The following ADAMTS2 variants were observed in gnomAD, a reference collection of about 807,000 sequenced individuals.
ADAMTS2 encodes the protein ADAM metallopeptidase with thrombospondin type 1 motif 2.
ADAMTS2 carries 50 observed loss-of-function variants against 123.0 expected under a neutral mutation model. The ratio of observed to expected loss-of-function variants is 0.41; its 90% confidence interval spans 0.32 to 0.51. The LOEUF (loss-of-function observed/expected upper bound fraction) is 0.51, where lower values mean the gene tolerates loss of function less well. Ranked by LOEUF, ADAMTS2 falls within the 20% of genes least tolerant of loss-of-function variation. The pLI is 0.35. For synonymous variants in ADAMTS2, 678 were observed against 695.4 expected (o/e 0.98, Z 0.39); for missense variants, 1,494 against 1,705.2 (o/e 0.88, Z 2.18).
intron 2 of ADAMTS2, among the ~76,000 whole-genome samples, chr5:179,283,871 C>CA (rs1755911863): frequency 1.3e-5 from 2 of 151,162 alleles, no homozygotes; most frequent in South Asian, 4.2e-4. Flanking sequence ...GCCTGGGAGA[C>CA]AGAGACAGAC....
intron 21 of ADAMTS2, among the ~76,000 whole-genome samples, chr5:179,116,516 G>A (rs1477518210): frequency 6.6e-6 from 1 of 152,172 alleles, no homozygotes; most frequent in Non-Finnish European, 1.5e-5. Flanking sequence ...CTCAGCAGCT[G>A]TGCCTTCCCA....
Position 179,308,674 on chromosome 5 carries a change from A to C in ADAMTS2, c.534+35093T>G, listed in dbSNP as rs1345213049. On this transcript the variant is annotated intron_variant, in intron 2 of 21. Transcript: ENST00000251582. This position sits in a 1 kb window ranked among gnomAD's most constrained non-coding sequence, Gnocchi z 6.6. ...GGGGGAAATTCCCAAGGCCTCTCAG[A>C]GAAGTGCCTCCTTCCTAAGGTGGTG... 6.6e-6 allele frequency among the ~76,000 whole-genome samples: 1 copy of C among 152,176 alleles called. No homozygotes were observed. The highest frequency in any genetic ancestry group is 1.5e-5 in the Non-Finnish European group (1 of 68,020).
intron 4 of ADAMTS2, among the ~76,000 whole-genome samples, chr5:179,201,850 T>C (rs921637241): frequency 2.6e-5 from 4 of 151,940 alleles, no homozygotes; most frequent in Admixed American, 1.3e-4. Flanking sequence ...ATATGGACTA[T>C]TTCAATAAAC....
At chr5:179,258,107 TG>T (rs1275236354) in intron 3 of ADAMTS2, among the ~76,000 whole-genome samples, 1 of 152,144 alleles carries the variant, frequency 6.6e-6, no homozygotes, top group Non-Finnish European at 1.5e-5. Context: ...GCTCTCATCC[TG>T]GGGGCTCTGG....
Position 179,114,236 on chromosome 5 carries a change from G to A in ADAMTS2, c.3267C>T (p.Cys1089=), listed in dbSNP as rs1172286327. 2 of 1,613,978 alleles carry A rather than the reference G, an allele frequency of 1.2e-6. No individual in the cohort carries two copies. Among genetic ancestry groups the A allele is most frequent in the East Asian group, 4.5e-5 (2 of 44,882 alleles). Residue 1089 remains cysteine, a synonymous_variant, in exon 22 of 22, where the codon TGC becomes TGT. Coordinates refer to ENST00000251582, the MANE Select transcript of ADAMTS2 (RefSeq NM_014244.5). The part of the protein sequence containing the change: ...YCSIPGYNKL[C]CKSCNLYNNL... ...TGTTGTACAGGTTACAGGACTTGCAGCACAGCTTGTTGTAGCCTGGGATGG... is the reference window on the plus strand; with the variant it reads ...TGTTGTACAGGTTACAGGACTTGCAACACAGCTTGTTGTAGCCTGGGATGG...
At chr5:179,169,247 T>C (rs184134239) in intron 5 of ADAMTS2, among the ~76,000 whole-genome samples, 194 of 152,312 alleles carry the variant, frequency 1.3e-3, no homozygotes, top group African/African-American at 4.1e-3. Flanking sequence ...CCTTCCATCA[T>C]GCGAGGGCAC....
chr5:179,213,337 T>G (rs1217144441), intron 3 of ADAMTS2, among the ~76,000 whole-genome samples: 1 of 152,164 alleles, frequency 6.6e-6, no homozygotes, highest in Non-Finnish European at 1.5e-5. Flanking sequence ...TGCAGGCAGG[T>G]CTTGTCTCAT....
intron 3 of ADAMTS2, among the ~76,000 whole-genome samples, chr5:179,270,676 G>A (rs1259063320): frequency 3.9e-5 from 6 of 152,204 alleles, no homozygotes; most frequent in South Asian, 2.1e-4. Flanking sequence ...AAAGCTGGAC[G>A]CCTGAGGTCA....
chr5:179,283,091 G>A (rs1581244866), intron 2 of ADAMTS2, among the ~76,000 whole-genome samples: 1 of 152,128 alleles, frequency 6.6e-6, no homozygotes, highest in East Asian at 1.9e-4. Flanking sequence ...ACTTTACGCA[G>A]CCTGGACTTG....
In ADAMTS2 at chr5:179,132,200, G is replaced by T; in HGVS notation, c.2290+30C>A. On this transcript the variant is annotated intron_variant, in intron 15 of 21. Coordinates refer to ENST00000251582, the MANE Select transcript of ADAMTS2 (RefSeq NM_014244.5). This position sits in a 1 kb window ranked among gnomAD's most constrained non-coding sequence, Gnocchi z 6.1. The stretch of plus-strand genomic sequence containing the variant: ...GATCCCAGAGGAGCCAGGTCCTGAG[G>T]ACGTCAAGTTGTCCGGCTCTGAGAC... 6.2e-7 allele frequency: 1 copy of T among 1,607,366 alleles called. No individual in the cohort carries two copies. The highest frequency in any genetic ancestry group is 1.1e-5 in the South Asian group (1 of 90,858).
At chr5:179,276,630 G>A (rs1377351963) in intron 2 of ADAMTS2, among the ~76,000 whole-genome samples, 1 of 152,210 alleles carries the variant, frequency 6.6e-6, no homozygotes, top group Non-Finnish European at 1.5e-5. Flanking sequence ...CTTTCCAAAT[G>A]AGGAAACCGA....
In ADAMTS2 at chr5:179,154,034, A is replaced by T; in HGVS notation, c.1382+15T>A. 1 of 1,595,266 alleles carries T rather than the reference A, an allele frequency of 6.3e-7. No individual in the cohort carries two copies. Among genetic ancestry groups the T allele is most frequent in the Non-Finnish European group, 8.5e-7 (1 of 1,174,316 alleles). ...GACTGAGGGGTCGCCCACGGGGCAC[A>T]TGGGCAGTACTCACTGCAGGTAGCG... On this transcript the variant is annotated intron_variant, in intron 8 of 21. Coordinates refer to ENST00000251582, the MANE Select transcript of ADAMTS2 (RefSeq NM_014244.5).
chr5:179,218,952 G>A (rs1346685816), intron 3 of ADAMTS2, among the ~76,000 whole-genome samples: 1 of 152,176 alleles, frequency 6.6e-6, no homozygotes, highest in African/African-American at 2.4e-5. Flanking sequence ...CACCCTCACA[G>A]AGCCACCTGG....
chr5:179,319,657 T>C (rs59058197), intron 2 of ADAMTS2, among the ~76,000 whole-genome samples: 4,341 of 152,072 alleles, frequency 0.029, 193 homozygotes, highest in African/African-American at 0.098. Flanking sequence ...TGTATGTCTC[T>C]ACCACCTCAT....
At chr5:179,150,209 G>C (rs1159256777) in intron 10 of ADAMTS2, among the ~76,000 whole-genome samples, 1 of 152,170 alleles carries the variant, frequency 6.6e-6, no homozygotes, top group Non-Finnish European at 1.5e-5. Flanking sequence ...GCCTGGGGTG[G>C]GTGCGGCGGG....
chr5:179,307,614 C>T lies in ADAMTS2; in HGVS notation c.535-34550G>A, dbSNP rs918567282. ...CTGTCACTGCCTGCCCAAAGCCCTC[C>T]AGCGGCTTCCCACCACATGACTGCC... On this transcript the variant is annotated intron_variant, in intron 2 of 21. Transcript: ENST00000251582. This position sits in a 1 kb window ranked among gnomAD's most constrained non-coding sequence, Gnocchi z 5.6. 6.6e-6 allele frequency among the ~76,000 whole-genome samples: 1 copy of T among 152,174 alleles called. No homozygotes were observed. The highest frequency in any genetic ancestry group is 2.4e-5 in the African/African-American group (1 of 41,454).
In ADAMTS2 at chr5:179,228,175, G is replaced by T. The variant is rs1248210350; in HGVS notation, c.689-20460C>A. ...AGAGAGGGTGGGCCGGAGGCCCCAG[G>T]TGTGGGCGGCCTCCAGGATGAATCA... On this transcript the variant is annotated intron_variant, in intron 3 of 21. Coordinates refer to ENST00000251582, the MANE Select transcript of ADAMTS2 (RefSeq NM_014244.5). The surrounding 1 kb of genome is among the most constrained non-coding windows in gnomAD (Gnocchi z 5.2). Among the ~76,000 whole-genome samples the T allele has an allele frequency of 6.6e-6, 1 of 152,194 alleles. No individual in the cohort carries two copies. Among genetic ancestry groups the T allele is most frequent in the African/African-American group, 2.4e-5 (1 of 41,458 alleles).
In ADAMTS2 at chr5:179,332,059, T is replaced by C. The variant is rs993933388; in HGVS notation, c.534+11708A>G. Among the ~76,000 whole-genome samples the C allele has an allele frequency of 2.0e-5, 3 of 152,246 alleles. No individual in the cohort carries two copies. The highest frequency in any genetic ancestry group is 7.2e-5 in the African/African-American group (3 of 41,470). ...GTCCCACAACTCCCTCCTCAGGTTC[T>C]GTAATTTGCTATTAGGTTGGTGCAA... On this transcript the variant is annotated intron_variant, in intron 2 of 21. Coordinates refer to ENST00000251582, the MANE Select transcript of ADAMTS2 (RefSeq NM_014244.5). This position sits in a 1 kb window ranked among gnomAD's most constrained non-coding sequence, Gnocchi z 4.2.
intron 3 of ADAMTS2, among the ~76,000 whole-genome samples, chr5:179,226,322 A>G (rs1168697538): frequency 6.8e-6 from 1 of 146,612 alleles, no homozygotes; most frequent in Non-Finnish European, 1.5e-5. Context: ...GCTGGAGTAC[A>G]GTGGCGTGAT....
Sources: gnomAD v4.1 joint callset for allele counts (sites outside exome capture counted in the v4.1 genomes callset) on GRCh38, gnomAD v4.1.1 for gene constraint, Gnocchi (gnomAD v3.1) non-coding constraint, MANE v1.5 for transcripts, NCBI Gene and HGNC (gene_info 2026-07-23, HGNC 2026-07-21) for gene names.